Variants in DYNC1I1 observed in about 807,000 individuals in gnomAD.
The protein encoded by DYNC1I1 is dynein cytoplasmic 1 intermediate chain 1, also known as cytoplasmic dynein 1 intermediate chain 1.
Under a neutral mutation model 86.6 loss-of-function variants are expected in DYNC1I1, and 43 were observed. The observed-to-expected ratio is 0.50, with a 90% confidence interval of 0.39 to 0.64. The LOEUF (loss-of-function observed/expected upper bound fraction) is 0.64, where lower values mean the gene tolerates loss of function less well. Among genes scored for constraint, DYNC1I1 ranks in the 30% least tolerant of loss-of-function variants. The pLI, the probability that DYNC1I1 is intolerant of heterozygous loss-of-function variation, is 0.00. For synonymous variants in DYNC1I1, 262 were observed against 283.7 expected (o/e 0.92, Z 0.77); for missense variants, 604 against 788.8 (o/e 0.77, Z 2.81).
intron 14 of DYNC1I1, among the ~76,000 whole-genome samples, chr7:96,067,456 T>TC (rs1296334799): frequency 6.6e-6 from 1 of 151,664 alleles, no homozygotes; most frequent in African/African-American, 2.4e-5. Flanking sequence ...TTTTTTTTTT[T>TC]TTTTTTATTT....
At chr7:95,989,800 A>G (rs1270324404) in intron 9 of DYNC1I1, among the ~76,000 whole-genome samples, 1 of 152,190 alleles carries the variant, frequency 6.6e-6, no homozygotes, top group Non-Finnish European at 1.5e-5. Flanking sequence ...ATTTTGAAAA[A>G]TGTGTTGTAT....
At chr7:96,031,488 A>T (rs1050023853) in intron 11 of DYNC1I1, among the ~76,000 whole-genome samples, 2 of 151,350 alleles carry the variant, frequency 1.3e-5, no homozygotes, top group African/African-American at 2.4e-5. Flanking sequence ...GGAAGAAAAA[A>T]CTCCCCCAGG....
chr7:96,051,259 A>G (rs901937827), intron 14 of DYNC1I1, among the ~76,000 whole-genome samples: 1 of 152,128 alleles, frequency 6.6e-6, no homozygotes, highest in Non-Finnish European at 1.5e-5. Flanking sequence ...GGTTCATGAT[A>G]CTGTTCATGT....
At chr7:95,836,179 A>T in intron 5 of DYNC1I1, among the ~76,000 whole-genome samples, 1 of 151,286 alleles carries the variant, frequency 6.6e-6, no homozygotes, top group African/African-American at 2.4e-5. Flanking sequence ...TGGTGACAAA[A>T]TCTCTCAGCA....
At chr7:95,813,378 T>TAAAAAAA in intron 4 of DYNC1I1, 41 bp downstream of exon 4, 2 of 1,408,520 alleles carry the variant, frequency 1.4e-6, no homozygotes, top group South Asian at 1.4e-5. Context: ...GGGTGTCAAT[T>TAAAAAAA]AAAAAAAAAA....
chr7:95,890,047 A>G (rs1006817744), intron 6 of DYNC1I1, among the ~76,000 whole-genome samples: 2 of 152,218 alleles, frequency 1.3e-5, no homozygotes, highest in African/African-American at 2.4e-5. Context: ...AATTCCTGAA[A>G]TAGCGAAAAA....
chr7:95,834,676 A>C (rs1789023606), intron 5 of DYNC1I1, among the ~76,000 whole-genome samples: 1 of 132,440 alleles, frequency 7.6e-6, no homozygotes, highest in Admixed American at 7.8e-5. Flanking sequence ...TCAGAGATTC[A>C]ACTTCTTCCT....
At chr7:95,968,049 C>G (rs1438891918) in intron 6 of DYNC1I1, among the ~76,000 whole-genome samples, 1 of 151,968 alleles carries the variant, frequency 6.6e-6, no homozygotes, top group Admixed American at 6.6e-5. Context: ...AATGTTTCCA[C>G]CAGGAAATTG....
chr7:95,785,775 G>GTACGTA (rs1794120017), intron 1 of DYNC1I1, among the ~76,000 whole-genome samples: 1 of 124,906 alleles, frequency 8.0e-6, no homozygotes, highest in Non-Finnish European at 1.7e-5. Context: ...GTGTGTATGT[G>GTACGTA]TATATATATA....
chr7:95,932,949 T>C (rs1482309468), intron 6 of DYNC1I1, among the ~76,000 whole-genome samples: 1 of 149,988 alleles, frequency 6.7e-6, no homozygotes, highest in Non-Finnish European at 1.5e-5. Context: ...GGCACAATCA[T>C]AGCTCATTTC....
rs1790486754 is a variant in DYNC1I1, at chr7:96,080,659, A to G, written c.1776+171A>G. 2.6e-5 allele frequency among the ~76,000 whole-genome samples: 4 copies of G among 152,092 alleles called. No homozygotes were observed. In the South Asian group the frequency reaches 8.3e-4, roughly 32 times the overall value. ...CGAGACTTCCTTAGGGCCTAATTTG[A>G]TCTTCTGTCTCCATGCACAGAACAC... On this transcript the variant is annotated intron_variant, in intron 16 of 16. Transcript: ENST00000447467.
At chr7:96,036,437 G>C (rs1794928741) in intron 13 of DYNC1I1, among the ~76,000 whole-genome samples, 1 of 152,138 alleles carries the variant, frequency 6.6e-6, no homozygotes, top group South Asian at 2.1e-4. Context: ...AAGTGCAATG[G>C]AGAAAATTAA....
At chr7:95,874,118 T>C (rs925672104) in intron 6 of DYNC1I1, among the ~76,000 whole-genome samples, 1 of 152,210 alleles carries the variant, frequency 6.6e-6, no homozygotes, top group Admixed American at 6.5e-5. Context: ...CCACTCACAC[T>C]ATTCAATAGC....
chr7:95,833,814 T>G (rs1420057125), intron 5 of DYNC1I1, among the ~76,000 whole-genome samples: 1 of 145,424 alleles, frequency 6.9e-6, no homozygotes, highest in African/African-American at 2.6e-5. Flanking sequence ...TTTTGTACAT[T>G]GATTTTGTAT....
intron 16 of DYNC1I1, among the ~76,000 whole-genome samples, chr7:96,091,969 T>C (rs1346017420): frequency 2.6e-5 from 4 of 152,184 alleles, no homozygotes; most frequent in African/African-American, 9.7e-5. Flanking sequence ...TGTGTGTGGA[T>C]GTGTATAGTT....
intron 1 of DYNC1I1, among the ~76,000 whole-genome samples, chr7:95,775,759 G>T (rs1793824038): frequency 6.6e-6 from 1 of 152,252 alleles, no homozygotes; most frequent in Non-Finnish European, 1.5e-5. Context: ...CTTAATCAGG[G>T]ATCTCTTTTA....
chr7:96,108,373 G>T (rs1791252836), intron 16 of DYNC1I1, among the ~76,000 whole-genome samples: 1 of 151,968 alleles, frequency 6.6e-6, no homozygotes, highest in Admixed American at 6.6e-5. Flanking sequence ...AAGGGATATT[G>T]TTTTAGAGTT....
intron 3 of DYNC1I1, among the ~76,000 whole-genome samples, chr7:95,810,994 G>GATT (rs1794818888): frequency 6.6e-6 from 1 of 152,150 alleles, no homozygotes; most frequent in African/African-American, 2.4e-5. Flanking sequence ...AATGGTGGCA[G>GATT]ATTAGCAGCC....
chr7:96,041,448 A>G (rs143836178), intron 14 of DYNC1I1, among the ~76,000 whole-genome samples: 310 of 152,340 alleles, frequency 2.0e-3, no homozygotes, highest in Middle Eastern at 3.4e-3. Flanking sequence ...TAACAGAACA[A>G]TTTCCACTTC....
Sources: allele counts gnomAD v4.1 joint callset (sites outside exome capture counted in the v4.1 genomes callset), GRCh38; gene constraint gnomAD v4.1.1; transcripts MANE v1.5; gene names NCBI Gene and HGNC (gene_info 2026-07-23, HGNC 2026-07-21).